The following AHI1 variants were observed in gnomAD, a reference collection of about 807,000 sequenced individuals.
The protein encoded by AHI1 is jouberin.
In AHI1, 123 loss-of-function variants were observed where a neutral mutation model predicts 149.3. The ratio of observed to expected loss-of-function variants is 0.82; its 90% CI spans 0.71 to 0.96. The LOEUF (loss-of-function observed/expected upper bound fraction) is 0.96. Among genes scored for constraint, AHI1 ranks in the 40% least tolerant of loss-of-function variants. The probability of loss-of-function intolerance (pLI) is 0.00; values close to 1 mark genes in which losing one functional copy is unlikely to be tolerated. For synonymous variants in AHI1, 475 were observed against 459.8 expected, an observed-to-expected ratio of 1.03 and a Z score of -0.42; for missense variants, 1,439 against 1,422.7, an observed-to-expected ratio of 1.01 and a Z score of -0.18.
intron 5 of AHI1, chr6:135,490,265 C>G (rs1280733287): frequency 1.4e-6 from 1 of 716,628 alleles, no homozygotes; most frequent in African/African-American, 1.7e-5. Context: ...TAAATAAGCA[C>G]AAGCTATTCA....
intron 24 of AHI1, among the ~76,000 whole-genome samples, chr6:135,340,230 G>T (rs1790078630): frequency 6.6e-6 from 1 of 152,068 alleles, no homozygotes; most frequent in South Asian, 2.1e-4. Flanking sequence ...AAATTAGCTG[G>T]GCGTGGTGGC....
chr6:135,422,991 G>C (rs1783428095), intron 20 of AHI1, among the ~76,000 whole-genome samples: 1 of 152,126 alleles, frequency 6.6e-6, no homozygotes, highest in Admixed American at 6.6e-5. Flanking sequence ...TTAATGCACT[G>C]AGAACATGGA....
chr6:135,467,143 T>C (rs1790896058), intron 6 of AHI1, among the ~76,000 whole-genome samples: 1 of 152,140 alleles, frequency 6.6e-6, no homozygotes, highest in Non-Finnish European at 1.5e-5. Context: ...AAGGGCAGTA[T>C]GCTTCAGGTA....
chr6:135,440,749 C>T (rs1786165773), intron 14 of AHI1, among the ~76,000 whole-genome samples: 1 of 152,134 alleles, frequency 6.6e-6, no homozygotes, highest in African/African-American at 2.4e-5. Context: ...CGAGCACAGA[C>T]ATCAATGGCA....
intron 23 of AHI1, among the ~76,000 whole-genome samples, chr6:135,373,226 G>A (rs531421997): frequency 4.6e-5 from 7 of 152,252 alleles, no homozygotes; most frequent in African/African-American, 1.7e-4. Flanking sequence ...TTATAATACT[G>A]CATTTTGCTG....
intron 22 of AHI1, among the ~76,000 whole-genome samples, chr6:135,404,438 A>G (rs1421539434): frequency 6.6e-6 from 1 of 152,200 alleles, no homozygotes; most frequent in Non-Finnish European, 1.5e-5. Context: ...CCTCCTTTCT[A>G]AAATTGGAAT....
chr6:135,456,945 C>G (rs1446408584), intron 9 of AHI1, among the ~76,000 whole-genome samples: 1 of 152,160 alleles, frequency 6.6e-6, no homozygotes, highest in East Asian at 1.9e-4. Context: ...ATTACATCTA[C>G]TAAGCTGGCA....
chr6:135,425,725 C>G (rs1308649173), intron 20 of AHI1, among the ~76,000 whole-genome samples: 1 of 151,698 alleles, frequency 6.6e-6, no homozygotes, highest in East Asian at 1.9e-4. Flanking sequence ...TTTTAGACTC[C>G]TAAAATGCTT....
chr6:135,486,978 C>CTAGT (rs1475491345), intron 5 of AHI1, among the ~76,000 whole-genome samples: 1 of 152,066 alleles, frequency 6.6e-6, no homozygotes, highest in African/African-American at 2.4e-5. Context: ...GTTGCCCAGG[C>CTAGT]TAGTCTTGAA....
In AHI1 at chr6:135,442,602, C is replaced by T. The variant is rs780823419; in HGVS notation, c.1892G>A (p.Arg631Gln). 36 of 1,608,872 alleles carry T rather than the reference C, an allele frequency of 2.2e-5. 1 individual carries two copies. In the African/African-American group the frequency reaches 2.7e-4, roughly 12 times the overall value. The change falls in exon 14 of 29, where the codon CGG becomes CAG. Residue 631 changes from arginine to glutamine, a missense_variant. Coordinates refer to ENST00000265602, the MANE Select transcript of AHI1 (RefSeq NM_001134831.2). ...CTCACAAATAATTGGATATCCATCC[C>T]GGCTGGCACAAGCTGCTGCTAATAT... ...GRILAAACAS[R>Q]DGYPIILYEI... is the part of the protein sequence containing the mutation.
intron 5 of AHI1, among the ~76,000 whole-genome samples, chr6:135,478,036 G>A (rs533386765): frequency 6.6e-6 from 1 of 152,092 alleles, no homozygotes; most frequent in Admixed American, 6.5e-5. Flanking sequence ...CCTGACCTCA[G>A]GTGATCTGCC....
At chr6:135,442,396 AAC>A (rs370330995) in intron 14 of AHI1, among the ~76,000 whole-genome samples, 184 bp downstream of exon 14, 9 of 152,204 alleles carry the variant, frequency 5.9e-5, no homozygotes, top group African/African-American at 2.2e-4. Context: ...TCTACTTACG[AAC>A]AGTTACTGTA....
intron 13 of AHI1, among the ~76,000 whole-genome samples, chr6:135,444,568 A>T (rs1473315887): frequency 6.6e-6 from 1 of 152,060 alleles, no homozygotes. Flanking sequence ...CTCAAGCTCC[A>T]CTGTTGAATG....
At chr6:135,297,745 A>G (rs7772523) in intron 27 of AHI1, among the ~76,000 whole-genome samples, 2,417 of 152,278 alleles carry the variant, frequency 0.016, 68 homozygotes, top group African/African-American at 0.055. Context: ...ATTTAGAAGA[A>G]AAGTGGCAAG....
chr6:135,348,458 A>G (rs1441461630), intron 24 of AHI1, among the ~76,000 whole-genome samples: 1 of 152,180 alleles, frequency 6.6e-6, no homozygotes, highest in Non-Finnish European at 1.5e-5. Flanking sequence ...AGTAACCACT[A>G]TATCTTATTT....
At chr6:135,391,337 G>A (rs1778452111) in intron 23 of AHI1, among the ~76,000 whole-genome samples, 1 of 152,200 alleles carries the variant, frequency 6.6e-6, no homozygotes, top group African/African-American at 2.4e-5. Flanking sequence ...GGCAGGGGAT[G>A]AGGAAAGGTG....
chr6:135,434,519 T>C (rs915758989), intron 15 of AHI1, among the ~76,000 whole-genome samples: 3 of 152,014 alleles, frequency 2.0e-5, no homozygotes, highest in African/African-American at 4.8e-5. Flanking sequence ...TTTAAAATAC[T>C]ATATAACAGG....
chr6:135,332,568 C>T lies in AHI1; in HGVS notation c.3166-9244G>A, dbSNP rs574780373. On this transcript the variant is annotated intron_variant, in intron 24 of 28. Coordinates refer to ENST00000265602, the MANE Select transcript of AHI1 (RefSeq NM_001134831.2). ...GACTAACAATCAAAATGAAGTCACT[C>T]GTGCTGAAGTTCTATGTCATCAAAC... Among the ~76,000 whole-genome samples the T allele has an allele frequency of 4.6e-5, 7 of 152,316 alleles. No homozygotes were observed. In the East Asian group the frequency reaches 5.8e-4, roughly 13 times the overall value.
Position 135,285,577 on chromosome 6 carries a change from G to A in AHI1, c.*68C>T, listed in dbSNP as rs886061108. 6 of 1,544,238 alleles carry A rather than the reference G, an allele frequency of 3.9e-6. No individual in the cohort carries two copies. The highest frequency in any genetic ancestry group is 2.3e-5 in the East Asian group (1 of 44,384). ...ATCTGAAAATTCTGAACTCTGAAGAGAAATTCCATTTGGTTTGTCATTTTC... is the reference window on the plus strand; with the variant it reads ...ATCTGAAAATTCTGAACTCTGAAGAAAAATTCCATTTGGTTTGTCATTTTC... On this transcript the variant is annotated 3_prime_UTR_variant, in exon 29 of 29. Transcript: ENST00000265602.
Sources: gnomAD v4.1 joint callset for allele counts (sites outside exome capture counted in the v4.1 genomes callset) on GRCh38, gnomAD v4.1.1 for gene constraint, MANE v1.5 for transcripts, NCBI Gene and HGNC (gene_info 2026-07-23, HGNC 2026-07-21) for gene names.